The following FOXO3 variants were observed in gnomAD, a reference collection of about 807,000 sequenced individuals.
FOXO3 encodes forkhead box protein O3.
In FOXO3, 4 loss-of-function variants were observed where a neutral mutation model predicts 41.9. That is an observed-to-expected ratio of 0.10 (90% CI 0.05 to 0.22). The LOEUF (loss-of-function observed/expected upper bound fraction) is 0.22, where lower values mean the gene tolerates loss of function less well. Among genes scored for constraint, FOXO3 ranks in the 10% least tolerant of loss-of-function variants. The pLI is 1.00. For missense variants in FOXO3, 534 were observed against 906.8 expected (o/e 0.59, Z 5.28); for synonymous variants, 318 against 389.3 (o/e 0.82, Z 2.16).
rs748017059 is a variant in FOXO3 at position 108,561,701 on chromosome 6, C to T, written c.493C>T (p.Leu165=). The change falls in exon 1 of 3, where the codon CTG becomes TTG. Residue 165 remains leucine (L), a synonymous_variant. Coordinates refer to ENST00000406360, the MANE Select transcript of FOXO3 (RefSeq NM_001455.4). The stretch of plus-strand genomic sequence containing the variant: ...CTGGGGAAACCTGTCCTACGCGGAC[C>T]TGATCACCCGCGCCATCGAGAGCTC... ...NAWGNLSYAD[L]ITRAIESSPD... 17 of 1,612,044 alleles carry T rather than the reference C, an allele frequency of 1.1e-5. No homozygotes were observed. The highest frequency in any genetic ancestry group is 4.5e-5 in the East Asian group (2 of 44,748).
intron 1 of FOXO3, among the ~76,000 whole-genome samples, chr6:108,620,049 C>G (rs770298351): frequency 2.0e-5 from 3 of 152,160 alleles, no homozygotes; most frequent in Admixed American, 2.0e-4. Context: ...CATCACAGAT[C>G]CATTCTTAGT....
chr6:108,622,438 G>A (rs983024563), intron 1 of FOXO3, among the ~76,000 whole-genome samples: 3 of 152,172 alleles, frequency 2.0e-5, no homozygotes, highest in Non-Finnish European at 4.4e-5. Flanking sequence ...TCAAATGAGA[G>A]GAAGGAGTCC....
chr6:108,675,355 T>C (rs1266191240), intron 2 of FOXO3, among the ~76,000 whole-genome samples: 2 of 152,112 alleles, frequency 1.3e-5, no homozygotes, highest in African/African-American at 2.4e-5. Flanking sequence ...AGGTCTAGGC[T>C]CTGAGGTGTC....
At chr6:108,650,771 A>T (rs1251393816) in intron 1 of FOXO3, among the ~76,000 whole-genome samples, 1 of 152,178 alleles carries the variant, frequency 6.6e-6, no homozygotes, top group Non-Finnish European at 1.5e-5. Flanking sequence ...GTTTTTTCAG[A>T]AAAATGCAAT....
chr6:108,645,799 C>CT (rs1778378636), intron 1 of FOXO3, among the ~76,000 whole-genome samples: 1 of 152,064 alleles, frequency 6.6e-6, no homozygotes, highest in Admixed American at 6.6e-5. Context: ...ACAGAAACCT[C>CT]TAATTACCAT....
intron 1 of FOXO3, among the ~76,000 whole-genome samples, chr6:108,601,154 C>T (rs942606751): frequency 1.3e-5 from 2 of 152,008 alleles, no homozygotes; most frequent in Admixed American, 6.6e-5. Flanking sequence ...ACTACAGGCA[C>T]CTGCCACCAT....
At position 108,607,909 on chromosome 6, in the gene FOXO3, G is replaced by A. The variant is rs548359717; in HGVS notation, c.621+46080G>A. ...AAGGAGATCCCATCCTAATAGAAAT[G>A]TATGTTCTTTAACAGTAGATTATTA... On this transcript the variant is annotated intron_variant, in intron 1 of 2. Coordinates refer to ENST00000406360, the MANE Select transcript of FOXO3 (RefSeq NM_001455.4). 3.9e-5 allele frequency among the ~76,000 whole-genome samples: 6 copies of A among 152,272 alleles called. No homozygotes were observed. The South Asian group carries it at 1.0e-3, about 26-fold the overall frequency.
intron 1 of FOXO3, among the ~76,000 whole-genome samples, chr6:108,594,267 G>T (rs774676496): frequency 1.2e-4 from 18 of 152,240 alleles, no homozygotes; most frequent in East Asian, 1.9e-4. Flanking sequence ...AGATGAAAAC[G>T]GGTTAATAAC....
chr6:108,561,063 T>A lies in FOXO3; in HGVS notation c.-146T>A. The A allele has an allele frequency of 2.1e-6, 3 of 1,419,586 alleles. No homozygotes were observed. The highest frequency in any genetic ancestry group is 2.7e-6 in the Non-Finnish European group (3 of 1,097,908). The allele number at this position is 1,419,586 out of a possible 1,614,324, so 87.9% of individuals were successfully genotyped here. A position where few individuals can be genotyped will look rare whatever the true frequency, so the allele number is the denominator to read the frequency against. On this transcript the variant is annotated 5_prime_UTR_variant, in exon 1 of 3. Transcript: ENST00000406360. ...GGCCCGGGATAACCAACTCTCCTTC[T>A]CTCTTCTTTGGTGCTTCCCCAGGCG...
At chr6:108,671,133 C>T (rs1224986532) in intron 2 of FOXO3, among the ~76,000 whole-genome samples, 1 of 152,140 alleles carries the variant, frequency 6.6e-6, no homozygotes, top group African/African-American at 2.4e-5. Flanking sequence ...TCTGGGACAC[C>T]CCTGCATTCA....
At chr6:108,615,077 T>G (rs1777457650) in intron 1 of FOXO3, among the ~76,000 whole-genome samples, 1 of 152,168 alleles carries the variant, frequency 6.6e-6, no homozygotes, top group Non-Finnish European at 1.5e-5. Flanking sequence ...TATTTTCTTC[T>G]ACATGTATGT....
intron 1 of FOXO3, among the ~76,000 whole-genome samples, chr6:108,594,738 C>T (rs1191703855): frequency 6.6e-6 from 1 of 152,182 alleles, no homozygotes; most frequent in Non-Finnish European, 1.5e-5. Context: ...CTCAGTGACC[C>T]AGTAGGTGTA....
chr6:108,567,459 C>T (rs1358802738), intron 1 of FOXO3, among the ~76,000 whole-genome samples: 1 of 152,186 alleles, frequency 6.6e-6, no homozygotes, highest in African/African-American at 2.4e-5. Context: ...GATGTGGAGC[C>T]TTGATGCCAC....
At chr6:108,622,336 G>A (rs544578545) in intron 1 of FOXO3, among the ~76,000 whole-genome samples, 21 of 151,514 alleles carry the variant, frequency 1.4e-4, no homozygotes, top group African/African-American at 4.8e-4. Flanking sequence ...TCAGGAGAGC[G>A]AAGCTTTCTA....
intron 1 of FOXO3, among the ~76,000 whole-genome samples, chr6:108,650,081 C>G (rs1778506381): frequency 6.6e-6 from 1 of 152,086 alleles, no homozygotes; most frequent in African/African-American, 2.4e-5. Context: ...TTCAGGAGGA[C>G]CAAGTTAAAG....
At chr6:108,585,596 A>G (rs1226254551) in intron 1 of FOXO3, among the ~76,000 whole-genome samples, 1 of 152,174 alleles carries the variant, frequency 6.6e-6, no homozygotes, top group Non-Finnish European at 1.5e-5. Context: ...TCAGCGCTTC[A>G]GCAGAACAGG....
At chr6:108,605,116 A>G (rs1223462653) in intron 1 of FOXO3, among the ~76,000 whole-genome samples, 1 of 150,744 alleles carries the variant, frequency 6.6e-6, no homozygotes, top group Admixed American at 6.6e-5. Flanking sequence ...ATCTAATACT[A>G]ACTTTTCTTT....
intron 1 of FOXO3, among the ~76,000 whole-genome samples, chr6:108,643,178 A>T (rs1778304705): frequency 6.6e-6 from 1 of 152,218 alleles, no homozygotes; most frequent in South Asian, 2.1e-4. Flanking sequence ...GCTGTTCTAC[A>T]GAGGGTGATT....
At chr6:108,601,386 C>G (rs942550081) in intron 1 of FOXO3, among the ~76,000 whole-genome samples, 16 of 152,184 alleles carry the variant, frequency 1.1e-4, no homozygotes, top group African/African-American at 3.9e-4. Context: ...TCACTGCAGC[C>G]TCCGCCTCCT....
Sources: allele counts gnomAD v4.1 joint callset (sites outside exome capture counted in the v4.1 genomes callset), GRCh38; gene constraint gnomAD v4.1.1; transcripts MANE v1.5; gene names NCBI Gene and HGNC (gene_info 2026-07-23, HGNC 2026-07-21).